Variants in SDHAF4 observed in about 807,000 individuals in gnomAD.
SDHAF4 encodes succinate dehydrogenase complex assembly factor 4, also known as succinate dehydrogenase assembly factor 4, mitochondrial.
Under a neutral mutation model 14.3 loss-of-function variants are expected in SDHAF4, and 14 were observed. The ratio of observed to expected loss-of-function variants is 0.98; its 90% CI spans 0.65 to 1.53. SDHAF4 has a LOEUF of 1.53. SDHAF4 is among the 40% of genes most tolerant of loss of function. The pLI is 0.00. For synonymous variants in SDHAF4, 63 were observed against 47.3 expected (o/e 1.33, Z -1.36); for missense variants, 141 against 129.3 (o/e 1.09, Z -0.44).
chr6:70,585,641 C>T (rs978259379), intron 2 of SDHAF4, among the ~76,000 whole-genome samples: 7 of 152,096 alleles, frequency 4.6e-5, no homozygotes, highest in African/African-American at 1.7e-4. Context: ...GAAGAACTTC[C>T]GTTAGAGAGG....
the SDHAF4 span, among the ~76,000 whole-genome samples, chr6:70,596,145 CCT>C: frequency 3.9e-5 from 6 of 152,236 alleles, no homozygotes; most frequent in East Asian, 1.2e-3. Context: ...CAATTTGGTA[CCT>C]ACAAAAGATG....
Position 70,588,646 on chromosome 6 carries a change from A to G in SDHAF4, c.249A>G (p.Lys83=), listed in dbSNP as rs142223975. ...KFPDDVNPVT[K]EKGGPRGPEP... is the part of the protein sequence containing the mutation. ...CAGATGATGTTAATCCAGTGACCAA[A>G]GAAAAAGGTGGACCCAGGGGCCCAG... Residue 83 remains lysine (K), a synonymous_variant, in exon 3 of 3, where the codon AAA becomes AAG. Coordinates refer to ENST00000370474, the MANE Select transcript of SDHAF4 (RefSeq NM_145267.3). The G allele has an allele frequency of 1.2e-6, 2 of 1,600,254 alleles. No homozygotes were observed. Among genetic ancestry groups the G allele is most frequent in the Admixed American group, 1.7e-5 (1 of 59,684 alleles).
chr6:70,589,838 G>A (rs892047729), downstream of SDHAF4, among the ~76,000 whole-genome samples: 1 of 152,152 alleles, frequency 6.6e-6, no homozygotes, highest in African/African-American at 2.4e-5. Context: ...GGCTGCAGGA[G>A]GTCCCCAAAC....
chr6:70,598,124 T>A, the SDHAF4 span, among the ~76,000 whole-genome samples: 2 of 152,202 alleles, frequency 1.3e-5, no homozygotes, highest in Non-Finnish European at 2.9e-5. Context: ...ATAACTGTAA[T>A]CCCAGCATTT....
At position 70,588,643 on chromosome 6, in the gene SDHAF4, C is replaced by G. The variant is rs767355667; in HGVS notation, c.246C>G (p.Thr82=). The G allele has an allele frequency of 4.4e-6, 7 of 1,598,050 alleles. No individual in the cohort carries two copies. The African/African-American group carries it at 9.4e-5, about 21-fold the overall frequency. The part of the protein sequence containing the change: ...EKFPDDVNPV[T]KEKGGPRGPE... ...TTCCAGATGATGTTAATCCAGTGAC[C>G]AAAGAAAAAGGTGGACCCAGGGGCC... Residue 82 remains threonine (T), a synonymous_variant, in exon 3 of 3, where the codon ACC becomes ACG. Coordinates refer to ENST00000370474, the MANE Select transcript of SDHAF4 (RefSeq NM_145267.3).
chr6:70,595,748 A>T, the SDHAF4 span, among the ~76,000 whole-genome samples: 1 of 151,584 alleles, frequency 6.6e-6, no homozygotes, highest in South Asian at 2.1e-4. Flanking sequence ...ATGCAGGAGA[A>T]TCGCTTGAAC....
chr6:70,587,168 T>TCACACACACACACACACACACACACA (rs56012930), intron 2 of SDHAF4, among the ~76,000 whole-genome samples: 27 of 135,552 alleles, frequency 2.0e-4, no homozygotes, highest in African/African-American at 3.7e-4. Context: ...TGAAACTCCA[T>TCACACACACACACACACACACACACA]CACACACACA....
At chr6:70,580,731 G>T (rs1340472924) in intron 2 of SDHAF4, among the ~76,000 whole-genome samples, 1 of 152,090 alleles carries the variant, frequency 6.6e-6, no homozygotes, top group Non-Finnish European at 1.5e-5. Flanking sequence ...ACCCAGAAGG[G>T]CAAATATATG....
In SDHAF4 at chr6:70,579,452, T is replaced by G. The variant is rs1484120319; in HGVS notation, c.103T>G (p.Ser35Ala). Residue 35 changes from serine to alanine, a missense_variant, in exon 2 of 3, where the codon TCT becomes GCT. Coordinates refer to ENST00000370474, the MANE Select transcript of SDHAF4 (RefSeq NM_145267.3). ...LLCHSLRKTS[S>A]SQGGKSELVK... ...GTGTCATTCTCTGAGGAAAACAAGTTCTTCTCAAGGAGGAAAGTCTGAACT... is the reference window on the plus strand; with the variant it reads ...GTGTCATTCTCTGAGGAAAACAAGTGCTTCTCAAGGAGGAAAGTCTGAACT... 6.2e-7 allele frequency: 1 copy of G among 1,608,038 alleles called. No homozygotes were observed. Among genetic ancestry groups the G allele is most frequent in the East Asian group, 2.2e-5 (1 of 44,612 alleles).
chr6:70,575,480 CAAAA>C (rs57160716), intron 1 of SDHAF4, among the ~76,000 whole-genome samples: 1 of 113,286 alleles, frequency 8.8e-6, no homozygotes. Flanking sequence ...TGTCTCTGTT[CAAAA>C]AAAAAAAAAA....
At chr6:70,568,961 T>C (rs1050613839) in intron 1 of SDHAF4, among the ~76,000 whole-genome samples, 1 of 106,678 alleles carries the variant, frequency 9.4e-6, no homozygotes, top group East Asian at 2.8e-4. Flanking sequence ...CTTTCTTTTT[T>C]CTTTTTTTTT....
At chr6:70,591,283 T>C (rs570968825), downstream of SDHAF4, among the ~76,000 whole-genome samples, 1 of 152,128 alleles carries the variant, frequency 6.6e-6, no homozygotes, top group South Asian at 2.1e-4. Context: ...GTTAACTCTC[T>C]TTAAATTATG....
intron 1 of SDHAF4, among the ~76,000 whole-genome samples, chr6:70,567,972 A>C (rs865960461): frequency 6.6e-6 from 1 of 152,226 alleles, no homozygotes; most frequent in Non-Finnish European, 1.5e-5. Flanking sequence ...GGCGTGAGCC[A>C]CCGCGCCCGG....
At chr6:70,570,406 TC>T (rs1802163988) in intron 1 of SDHAF4, among the ~76,000 whole-genome samples, 1 of 152,140 alleles carries the variant, frequency 6.6e-6, no homozygotes, top group Non-Finnish European at 1.5e-5. Context: ...CACTGCAACC[TC>T]CACCTCCCGA....
rs551547990 is a variant in SDHAF4 at position 70,574,347 on chromosome 6, T to G, written c.65-5067T>G. On this transcript the variant is annotated intron_variant, in intron 1 of 2. Transcript: ENST00000370474. ...AAAAAAAGAAAAAAAAAAAAGATGCTTAGGGATTTTTGGAAGATGCAGCTA... is the reference window on the plus strand; with the variant it reads ...AAAAAAAGAAAAAAAAAAAAGATGCGTAGGGATTTTTGGAAGATGCAGCTA... Among the ~76,000 whole-genome samples the G allele has an allele frequency of 4.6e-5, 7 of 150,864 alleles. No individual in the cohort carries two copies. The South Asian group carries it at 1.0e-3, about 23-fold the overall frequency.
In SDHAF4 at chr6:70,570,654, G is replaced by A. The variant is rs546373934; in HGVS notation, c.64+3650G>A. 6.9e-5 allele frequency among the ~76,000 whole-genome samples: 10 copies of A among 145,328 alleles called. No individual in the cohort carries two copies. The East Asian group carries it at 2.0e-3, about 29-fold the overall frequency. On this transcript the variant is annotated intron_variant, in intron 1 of 2. Coordinates refer to ENST00000370474, the MANE Select transcript of SDHAF4 (RefSeq NM_145267.3). Reference sequence around the variant, plus strand: ...TTTTCTTTCTTTGCTCAGATTTCCAGCACCATGTTGACTAGAAGTGTTGAC... The same window carrying A: ...TTTTCTTTCTTTGCTCAGATTTCCAACACCATGTTGACTAGAAGTGTTGAC...
At chr6:70,571,772 TCTC>T (rs1320835671) in intron 1 of SDHAF4, among the ~76,000 whole-genome samples, 2 of 152,170 alleles carry the variant, frequency 1.3e-5, no homozygotes, top group African/African-American at 4.8e-5. Context: ...GACCTGTTCT[TCTC>T]TTCGAGGGAA....
At chr6:70,574,998 T>G (rs1170123401) in intron 1 of SDHAF4, among the ~76,000 whole-genome samples, 1 of 152,212 alleles carries the variant, frequency 6.6e-6, no homozygotes, top group East Asian at 1.9e-4. Flanking sequence ...TCCTGGCTTC[T>G]CCTGCGCTTT....
downstream of SDHAF4, among the ~76,000 whole-genome samples, chr6:70,591,594 G>T (rs1206534751): frequency 1.3e-5 from 2 of 152,074 alleles, no homozygotes; most frequent in East Asian, 3.9e-4. Flanking sequence ...CTCCCAAAGT[G>T]CTGGGCCAGG....
Sources: allele counts gnomAD v4.1 joint callset (sites outside exome capture counted in the v4.1 genomes callset), GRCh38; gene constraint gnomAD v4.1.1; transcripts MANE v1.5; gene names NCBI Gene and HGNC (gene_info 2026-07-23, HGNC 2026-07-21).